NRXN3: variants seen among roughly 807,000 people sequenced by gnomAD.
NRXN3 encodes neurexin 3, also known as neurexin III.
In NRXN3, 32 loss-of-function variants were observed where a neutral mutation model predicts 137.6. The observed-to-expected ratio is 0.23, with a 90% confidence interval of 0.18 to 0.31. The LOEUF is 0.31. Among genes scored for constraint, NRXN3 ranks in the 10% least tolerant of loss-of-function variants. The probability of loss-of-function intolerance (pLI) is 1.00; values close to 1 mark genes in which losing one functional copy is unlikely to be tolerated. For missense variants in NRXN3, 1,574 were observed against 2,062.5 expected, an observed-to-expected ratio of 0.76 and a Z score of 4.59; for synonymous variants, 798 against 784.5, an observed-to-expected ratio of 1.02 and a Z score of -0.29.
At chr14:78,580,430 A>C (rs2152353607) in intron 4 of NRXN3, among the ~76,000 whole-genome samples, 1 of 152,298 alleles carries the variant, frequency 6.6e-6, no homozygotes, top group African/African-American at 2.4e-5. Flanking sequence ...TCCCATCTGA[A>C]GTATTCTTGA....
chr14:79,171,728 A>T (rs1271319660), intron 15 of NRXN3, among the ~76,000 whole-genome samples: 1 of 152,144 alleles, frequency 6.6e-6, no homozygotes, highest in East Asian at 1.9e-4. Flanking sequence ...TTGAAAATAT[A>T]TGGGGAAAAA....
intron 4 of NRXN3, among the ~76,000 whole-genome samples, chr14:78,407,699 C>A (rs1470349276): frequency 2.0e-5 from 3 of 152,188 alleles, no homozygotes; most frequent in Non-Finnish European, 4.4e-5. Flanking sequence ...TGGGAATAAT[C>A]TCAGATTCCG....
rs762607067 is a variant in NRXN3 at position 79,643,523 on chromosome 14, T to C, written c.3445-20255T>C. Among the ~76,000 whole-genome samples, 14 of 135,786 alleles carry C rather than the reference T, an allele frequency of 1.0e-4. 4 individuals are homozygous for C. Among genetic ancestry groups the C allele is most frequent in the Admixed American group, 1.6e-4 (2 of 12,768 alleles). The allele number at this position is 135,786 out of a possible 152,430, so 89.1% of individuals were successfully genotyped here. ...CTGGTCATTTTGCTCAATGACTTCC[T>C]AATACCAACTGAAGAGAGTTTATAT... is the stretch of plus-strand genomic sequence containing the variant. On this transcript the variant is annotated intron_variant, in intron 16 of 20. Coordinates refer to ENST00000335750, the MANE Select transcript of NRXN3 (RefSeq NM_001330195.2).
intron 1 of NRXN3, among the ~76,000 whole-genome samples, chr14:78,234,890 A>C (rs1173925252): frequency 6.6e-6 from 1 of 151,444 alleles, no homozygotes; most frequent in Non-Finnish European, 1.5e-5. Context: ...AAATTCAGTG[A>C]CTGGTCAGAT....
At chr14:78,342,734 A>G (rs1053286419) in intron 4 of NRXN3, among the ~76,000 whole-genome samples, 1 of 151,882 alleles carries the variant, frequency 6.6e-6, no homozygotes, top group Non-Finnish European at 1.5e-5. Flanking sequence ...CCTTTCCTAG[A>G]TTTTCTCTTG....
chr14:79,042,934 A>C (rs2099627356), intron 15 of NRXN3, among the ~76,000 whole-genome samples: 1 of 152,158 alleles, frequency 6.6e-6, no homozygotes. Context: ...TCACTGCAGT[A>C]GAATGGCTAG....
chr14:79,133,707 C>T (rs919461306), intron 15 of NRXN3, among the ~76,000 whole-genome samples: 46 of 151,800 alleles, frequency 3.0e-4, no homozygotes, highest in Non-Finnish European at 5.2e-4. Context: ...GGGTGGATCA[C>T]GAGGTCAGGG....
At chr14:78,253,734 A>G (rs1217552337) in intron 2 of NRXN3, among the ~76,000 whole-genome samples, 1 of 152,168 alleles carries the variant, frequency 6.6e-6, no homozygotes, top group Non-Finnish European at 1.5e-5. Flanking sequence ...TTCAAAAGTC[A>G]TTGGATCTAA....
At chr14:79,528,501 G>A (rs1285811573) in intron 16 of NRXN3, among the ~76,000 whole-genome samples, 3 of 152,120 alleles carry the variant, frequency 2.0e-5, no homozygotes, top group Non-Finnish European at 4.4e-5. Context: ...ATCTCTATGT[G>A]AGTATGTTTG....
intron 19 of NRXN3, among the ~76,000 whole-genome samples, chr14:79,739,275 G>C (rs186913335): frequency 2.4e-4 from 36 of 152,242 alleles, no homozygotes; most frequent in East Asian, 3.9e-4. Flanking sequence ...GGAAGGACAA[G>C]AATATAAAAG....
chr14:78,803,948 C>G, intron 9 of NRXN3, 125 bp downstream of exon 9: 1 of 897,312 alleles, frequency 1.1e-6, no homozygotes, highest in East Asian at 2.6e-5. Flanking sequence ...TCTTGTTTAA[C>G]AGACCCAGGA....
intron 19 of NRXN3, among the ~76,000 whole-genome samples, chr14:79,778,401 G>A (rs185250955): frequency 9.2e-5 from 14 of 152,260 alleles, no homozygotes; most frequent in Admixed American, 9.1e-4. Flanking sequence ...GGGCAATAGA[G>A]TGAGACTCTG....
intron 4 of NRXN3, among the ~76,000 whole-genome samples, chr14:78,369,155 G>T (rs1412028210): frequency 6.6e-6 from 1 of 152,116 alleles, no homozygotes; most frequent in Non-Finnish European, 1.5e-5. Flanking sequence ...ACCTCAGAAG[G>T]ATTTTAAGCA....
chr14:78,819,990 T>C (rs215945), intron 10 of NRXN3, among the ~76,000 whole-genome samples: 117,050 of 152,096 alleles, frequency 0.77, 49,580 homozygotes, highest in Non-Finnish European at 0.95. Context: ...ACTTTTGATT[T>C]AGAGCTTCCC....
Position 78,808,160 on chromosome 14 carries a change from A to T in NRXN3, c.2249-2158A>T, listed in dbSNP as rs549432583. On this transcript the variant is annotated intron_variant, in intron 9 of 20. Coordinates refer to ENST00000335750, the MANE Select transcript of NRXN3 (RefSeq NM_001330195.2). Reference sequence around the variant, plus strand: ...TCAAACCACTTGTTCTTCAGGTAAAATAACAAAGTAATTCTTCACATATTG... The same window carrying T: ...TCAAACCACTTGTTCTTCAGGTAAATTAACAAAGTAATTCTTCACATATTG... 3.3e-5 allele frequency among the ~76,000 whole-genome samples: 5 copies of T among 152,296 alleles called. No individual in the cohort carries two copies. The South Asian group carries it at 1.0e-3, about 32-fold the overall frequency.
At chr14:78,179,662 T>C (rs949361527) in intron 1 of NRXN3, among the ~76,000 whole-genome samples, 7 of 152,086 alleles carry the variant, frequency 4.6e-5, no homozygotes, top group African/African-American at 1.7e-4. Flanking sequence ...TCCTACTTCT[T>C]GGGTGCCAGG....
At chr14:78,217,003 T>C (rs1358062163) in intron 1 of NRXN3, among the ~76,000 whole-genome samples, 1 of 152,214 alleles carries the variant, frequency 6.6e-6, no homozygotes, top group Non-Finnish European at 1.5e-5. Context: ...TCATCTTGAC[T>C]TGATGACATC....
intron 15 of NRXN3, among the ~76,000 whole-genome samples, chr14:79,194,973 CT>C (rs1338570142): frequency 2.0e-5 from 3 of 150,668 alleles, no homozygotes; most frequent in African/African-American, 7.3e-5. Context: ...TTTTTTTTCT[CT>C]GATATTTCTT....
intron 19 of NRXN3, among the ~76,000 whole-genome samples, chr14:79,733,447 A>C (rs1315462644): frequency 6.6e-6 from 1 of 152,016 alleles, no homozygotes; most frequent in Non-Finnish European, 1.5e-5. Flanking sequence ...TTTTTTCCTT[A>C]AGGCAAAGAA....
Sources: allele counts gnomAD v4.1 joint callset (sites outside exome capture counted in the v4.1 genomes callset), GRCh38; gene constraint gnomAD v4.1.1; transcripts MANE v1.5; gene names NCBI Gene and HGNC (gene_info 2026-07-23, HGNC 2026-07-21).